ZC3H11A: variants seen among roughly 807,000 people sequenced by gnomAD.
ZC3H11A encodes the protein zinc finger CCCH domain-containing protein 11A.
A neutral mutation model predicts 90.8 loss-of-function variants in ZC3H11A; 22 were observed. The ratio of observed to expected loss-of-function variants is 0.24; its 90% CI spans 0.17 to 0.35. The LOEUF (loss-of-function observed/expected upper bound fraction) is 0.35. ZC3H11A is among the 10% of genes least tolerant of loss of function. The pLI, the probability that ZC3H11A is intolerant of heterozygous loss-of-function variation, is 1.00. For missense variants in ZC3H11A, 701 were observed against 964.9 expected, an observed-to-expected ratio of 0.73 and a Z score of 3.62; for synonymous variants, 294 against 339.8, an observed-to-expected ratio of 0.87 and a Z score of 1.48.
chr1:203,838,149 T>G (rs1234028414), intron 11 of ZC3H11A, 85 bp downstream of exon 11: 2 of 1,272,062 alleles, frequency 1.6e-6, no homozygotes, highest in Non-Finnish European at 2.2e-6. Context: ...TTTTTCATTC[T>G]TTTGTTCAGG....
Position 203,837,947 on chromosome 1 carries a change from A to G in ZC3H11A, c.875-19A>G, listed in dbSNP as rs749693123. On this transcript the variant is annotated intron_variant, in intron 10 of 17. Coordinates refer to ENST00000367210, the MANE Select transcript of ZC3H11A (RefSeq NM_001376342.1). ...GAAGATTGACTTGAAATCTTAAACT[A>G]AGTTCTCCCTCTTTATAGGCGGTGA... 6.9e-6 allele frequency: 11 copies of G among 1,600,358 alleles called. No individual in the cohort carries two copies. In the South Asian group the frequency reaches 1.2e-4, roughly 18 times the overall value.
chr1:203,852,718 A>C lies in ZC3H11A; in HGVS notation c.*319A>C. 1 of 340,552 alleles carries C rather than the reference A, an allele frequency of 2.9e-6. No individual in the cohort carries two copies. Among genetic ancestry groups the C allele is most frequent in the Non-Finnish European group, 5.4e-6 (1 of 184,794 alleles). The allele number at this position is 340,552 out of a possible 1,614,324, so 21.1% of individuals were successfully genotyped here. On this transcript the variant is annotated 3_prime_UTR_variant, in exon 18 of 18. Transcript: ENST00000367210. ...TGCAAGCGAACTTAGTGACTCCTTG[A>C]GGTGTTTGTCAGTTTTGGCTTTTTT... is the stretch of plus-strand genomic sequence containing the variant.
chr1:203,840,259 A>T (rs1251005045), intron 11 of ZC3H11A, 47 bp from the exon 12 acceptor site: 1 of 1,589,280 alleles, frequency 6.3e-7, no homozygotes, highest in Non-Finnish European at 8.6e-7. Context: ...TAAGCTGTAA[A>T]AAGTTTCTGT....
chr1:203,807,162 A>G (rs891028920), intron 2 of ZC3H11A, among the ~76,000 whole-genome samples: 1 of 152,192 alleles, frequency 6.6e-6, no homozygotes, highest in African/African-American at 2.4e-5. Context: ...GGCATGAGCT[A>G]CCATTCCTGA....
chr1:203,797,403 A>C, intron 1 of ZC3H11A: 2 of 989,786 alleles, frequency 2.0e-6, no homozygotes, highest in Non-Finnish European at 2.8e-6. Flanking sequence ...TCCAGTGGGA[A>C]TTTGATTCCC....
chr1:203,806,638 TC>T (rs1371020604), intron 2 of ZC3H11A, among the ~76,000 whole-genome samples: 1 of 152,110 alleles, frequency 6.6e-6, no homozygotes, highest in Non-Finnish European at 1.5e-5. Flanking sequence ...TACTAGAACA[TC>T]TGGAACAGTG....
chr1:203,849,375 T>C (rs1688727324), intron 14 of ZC3H11A, among the ~76,000 whole-genome samples: 1 of 152,222 alleles, frequency 6.6e-6, no homozygotes. Flanking sequence ...ACAGTCTTTT[T>C]CTGGACATTC....
intron 2 of ZC3H11A, among the ~76,000 whole-genome samples, chr1:203,811,840 A>C (rs958641522): frequency 6.9e-6 from 1 of 145,894 alleles, no homozygotes. Flanking sequence ...TTTTTTTTAG[A>C]CAGGTCTCAC....
intron 2 of ZC3H11A, among the ~76,000 whole-genome samples, chr1:203,808,048 G>T (rs915586265): frequency 2.0e-5 from 3 of 151,334 alleles, no homozygotes; most frequent in African/African-American, 7.3e-5. Context: ...GGCCTGTTTT[G>T]TTTTTTTTCT....
At chr1:203,843,557 A>C (rs1687069662) in intron 12 of ZC3H11A, among the ~76,000 whole-genome samples, 1 of 152,222 alleles carries the variant, frequency 6.6e-6, no homozygotes, top group Admixed American at 6.5e-5. Flanking sequence ...ATAACTTTGC[A>C]GTCCACAGTA....
At chr1:203,812,458 T>C (rs1280884196) in intron 2 of ZC3H11A, among the ~76,000 whole-genome samples, 1 of 152,220 alleles carries the variant, frequency 6.6e-6, no homozygotes, top group Non-Finnish European at 1.5e-5. Flanking sequence ...CATGATTTTG[T>C]TCCTTTTTAT....
At position 203,797,712 on chromosome 1, in the gene ZC3H11A, A is replaced by G. The variant is rs914511329; in HGVS notation, c.-1588+1918A>G. ...GGCAAAACAGCCTGCTAAAAAGAAA[A>G]GAAAGAAGGGTTTGCGAATTAAGGG... On this transcript the variant is annotated intron_variant, in intron 1 of 17. Coordinates refer to ENST00000367210, the MANE Select transcript of ZC3H11A (RefSeq NM_001376342.1). 7 of 1,534,718 alleles carry G rather than the reference A, an allele frequency of 4.6e-6. No individual in the cohort carries two copies. In the African/African-American group the frequency reaches 9.6e-5, roughly 21 times the overall value.
At chr1:203,836,480 T>C (rs1213722319) in intron 10 of ZC3H11A, among the ~76,000 whole-genome samples, 2 of 152,190 alleles carry the variant, frequency 1.3e-5, no homozygotes, top group Non-Finnish European at 2.9e-5. Context: ...CTGGGCGCGG[T>C]AGCTTACGCC....
intron 12 of ZC3H11A, among the ~76,000 whole-genome samples, chr1:203,842,123 G>A (rs1686522937): frequency 6.6e-6 from 1 of 151,040 alleles, no homozygotes; most frequent in Non-Finnish European, 1.5e-5. Context: ...AGACTGGGCG[G>A]CTGGGCGGAA....
Position 203,818,312 on chromosome 1 carries a change from T to C in ZC3H11A, c.55-258T>C, listed in dbSNP as rs899004057. Among the ~76,000 whole-genome samples the C allele has an allele frequency of 3.6e-3, 544 of 150,988 alleles. 4 individuals are homozygous for C. The highest frequency in any genetic ancestry group is 6.6e-3 in the Non-Finnish European group (440 of 67,024). ...ATTTTTAAAGAGGACCTAACACTCC[T>C]ACTTGTCTTTTTCAACTCTTTTTTT... On this transcript the variant is annotated intron_variant, in intron 3 of 17. Coordinates refer to ENST00000367210, the MANE Select transcript of ZC3H11A (RefSeq NM_001376342.1).
chr1:203,850,356 G>C, intron 15 of ZC3H11A, 159 bp from the exon 16 acceptor site: 1 of 1,079,640 alleles, frequency 9.3e-7, no homozygotes, highest in South Asian at 1.3e-5. Flanking sequence ...TGACCACCAT[G>C]TGACCACAAA....
chr1:203,797,373 C>G (rs1668891075), intron 1 of ZC3H11A: 7 of 690,522 alleles, frequency 1.0e-5, no homozygotes, highest in Non-Finnish European at 1.5e-5. Flanking sequence ...CCAAAAATAA[C>G]CTGGCTTGGA....
chr1:203,842,327 G>A (rs953054781), intron 12 of ZC3H11A, among the ~76,000 whole-genome samples: 4 of 152,184 alleles, frequency 2.6e-5, no homozygotes, highest in Non-Finnish European at 4.4e-5. Flanking sequence ...CTGAGTGAGC[G>A]AGACTCCGTC....
At chr1:203,807,914 T>A (rs1449332679) in intron 2 of ZC3H11A, among the ~76,000 whole-genome samples, 1 of 151,852 alleles carries the variant, frequency 6.6e-6, no homozygotes, top group Non-Finnish European at 1.5e-5. Context: ...GCTAATTTTT[T>A]AATTTAGTGT....
Sources: allele counts gnomAD v4.1 joint callset (sites outside exome capture counted in the v4.1 genomes callset), GRCh38; gene constraint gnomAD v4.1.1; transcripts MANE v1.5; gene names NCBI Gene and HGNC (gene_info 2026-07-23, HGNC 2026-07-21).